Variants in SHB observed in about 807,000 individuals in gnomAD.
SHB encodes SH2 domain-containing adapter protein B.
SHB carries 20 observed loss-of-function variants against 52.3 expected under a neutral mutation model. The observed-to-expected ratio is 0.38, with a 90% CI of 0.27 to 0.56. SHB has a LOEUF of 0.56. Among genes scored for constraint, SHB ranks in the 20% least tolerant of loss-of-function variants. The probability of loss-of-function intolerance (pLI) is 0.71; values close to 1 mark genes in which losing one functional copy is unlikely to be tolerated. For synonymous variants in SHB, 397 were observed against 316.5 expected (o/e 1.25, Z -2.70); for missense variants, 825 against 723.3 (o/e 1.14, Z -1.61).
intron 1 of SHB, among the ~76,000 whole-genome samples, chr9:38,037,875 T>C (rs777135076): frequency 6.6e-6 from 1 of 152,106 alleles, no homozygotes; most frequent in Non-Finnish European, 1.5e-5. Context: ...GGCTCACAAA[T>C]AGGCATGACA....
intron 5 of SHB, among the ~76,000 whole-genome samples, chr9:37,934,745 G>A (rs534958580): frequency 1.8e-4 from 28 of 152,340 alleles, no homozygotes; most frequent in Middle Eastern, 6.8e-3. Flanking sequence ...ACTCATTCTG[G>A]CAGCTTTTTG....
chr9:37,936,819 G>A (rs1056731620), intron 5 of SHB: 1 of 152,170 alleles, frequency 6.6e-6, no homozygotes, highest in Non-Finnish European at 1.5e-5. Context: ...ACAAAACAGA[G>A]AGAGGCTCTG....
chr9:37,924,184 G>A lies in SHB; in HGVS notation c.1347-4180C>T, dbSNP rs180881818. ...AGGCCGGGGTGCTGGAGCTGTCACAGGCGTTCAGATCGCTCATTATCATCA... is the reference window on the plus strand; with the variant it reads ...AGGCCGGGGTGCTGGAGCTGTCACAAGCGTTCAGATCGCTCATTATCATCA... On this transcript the variant is annotated intron_variant, in intron 5 of 5. Transcript: ENST00000377707. Among the ~76,000 whole-genome samples, 163 of 152,348 alleles carry A rather than the reference G, an allele frequency of 1.1e-3. 1 individual carries two copies. Among genetic ancestry groups the A allele is most frequent in the African/African-American group, 3.8e-3 (157 of 41,570 alleles).
At chr9:38,058,796 T>G (rs920963420) in intron 1 of SHB, among the ~76,000 whole-genome samples, 1 of 152,180 alleles carries the variant, frequency 6.6e-6, no homozygotes, top group Non-Finnish European at 1.5e-5. Flanking sequence ...CTCAGGCTTC[T>G]GCACTGTTCT....
intron 1 of SHB, among the ~76,000 whole-genome samples, chr9:38,065,123 T>C (rs187524341): frequency 3.4e-4 from 51 of 152,156 alleles, no homozygotes; most frequent in Admixed American, 2.7e-3. Context: ...AAAGACTAAA[T>C]GAGGTGCCAG....
At chr9:37,977,504 T>G (rs1040402352) in intron 2 of SHB, among the ~76,000 whole-genome samples, 1 of 152,190 alleles carries the variant, frequency 6.6e-6, no homozygotes, top group Non-Finnish European at 1.5e-5. Flanking sequence ...TTTTATTGGG[T>G]CCCATGAGTA....
At chr9:37,980,040 C>T (rs1038826464) in intron 2 of SHB, among the ~76,000 whole-genome samples, 20 of 152,086 alleles carry the variant, frequency 1.3e-4, no homozygotes, top group African/African-American at 4.1e-4. Flanking sequence ...TGCCGGCTGC[C>T]GACTGATCAG....
chr9:38,051,858 G>T (rs901577650), intron 1 of SHB, among the ~76,000 whole-genome samples: 3 of 152,172 alleles, frequency 2.0e-5, no homozygotes, highest in African/African-American at 7.2e-5. Flanking sequence ...CTTTGACTGA[G>T]CCCAGCAAAC....
At chr9:37,938,085 G>A (rs1286363040) in intron 5 of SHB, among the ~76,000 whole-genome samples, 3 of 152,148 alleles carry the variant, frequency 2.0e-5, no homozygotes, top group Non-Finnish European at 4.4e-5. Context: ...CCTTTGTATC[G>A]CTTACCCAGC....
At chr9:37,951,248 A>T (rs1042159589) in intron 4 of SHB, among the ~76,000 whole-genome samples, 5 of 152,228 alleles carry the variant, frequency 3.3e-5, no homozygotes, top group African/African-American at 1.2e-4. Context: ...TTTCCAGGGG[A>T]GAAGGCAGGA....
chr9:37,974,924 A>C, intron 2 of SHB, 87 bp from the exon 3 acceptor site: 2 of 1,158,054 alleles, frequency 1.7e-6, no homozygotes, highest in Non-Finnish European at 2.6e-6. Flanking sequence ...ACAAACTCAG[A>C]GCTGCCAGCG....
chr9:37,974,707 G>A lies in SHB; in HGVS notation c.969C>T (p.Ser323=), dbSNP rs755704312. ...GCCTGTCGTCATCCTGGGGCAGCTT[G>A]CTCTCCCGCAGTCGGGGGCTGACTG... The part of the protein sequence containing the change: ...ESTVSPRLRE[S]KLPQDDDRPA... The change falls in exon 3 of 6, where the codon AGC becomes AGT. Residue 323 remains serine (S), a synonymous_variant. Transcript: ENST00000377707. 1 of 1,613,946 alleles carries A rather than the reference G, an allele frequency of 6.2e-7. No homozygotes were observed. Among genetic ancestry groups the A allele is most frequent in the Non-Finnish European group, 8.5e-7 (1 of 1,180,012 alleles).
At chr9:38,030,274 C>G (rs1215553581) in intron 1 of SHB, among the ~76,000 whole-genome samples, 1 of 152,202 alleles carries the variant, frequency 6.6e-6, no homozygotes, top group African/African-American at 2.4e-5. Flanking sequence ...AACTTCCCCC[C>G]TCAGAGATGT....
chr9:38,053,279 C>T (rs755879268), intron 1 of SHB, among the ~76,000 whole-genome samples: 15 of 152,020 alleles, frequency 9.9e-5, no homozygotes, highest in Non-Finnish European at 1.9e-4. Context: ...TCTCTGTTAC[C>T]GAGGCTGGAG....
chr9:37,955,579 T>C (rs560320112), intron 4 of SHB, among the ~76,000 whole-genome samples: 29 of 152,244 alleles, frequency 1.9e-4, no homozygotes, highest in Admixed American at 1.3e-3. Context: ...CTGGCCTCAA[T>C]TCAGTCTCCT....
intron 1 of SHB, among the ~76,000 whole-genome samples, chr9:38,053,022 G>A (rs1304828507): frequency 6.6e-6 from 1 of 152,070 alleles, no homozygotes; most frequent in African/African-American, 2.4e-5. Context: ...ACACTTTATC[G>A]ACAGTAGAGA....
At chr9:38,003,037 G>C (rs944356665) in intron 2 of SHB, among the ~76,000 whole-genome samples, 3 of 152,208 alleles carry the variant, frequency 2.0e-5, no homozygotes, top group African/African-American at 7.2e-5. Flanking sequence ...GGGTAAACAG[G>C]CTGGGCTATT....
At chr9:38,058,613 GC>G (rs1334613646) in intron 1 of SHB, among the ~76,000 whole-genome samples, 1 of 152,144 alleles carries the variant, frequency 6.6e-6, no homozygotes, top group Non-Finnish European at 1.5e-5. Context: ...ACCCTCTGCT[GC>G]CCCCATCTCA....
At chr9:38,017,284 T>C (rs1821224867) in intron 1 of SHB, among the ~76,000 whole-genome samples, 1 of 152,212 alleles carries the variant, frequency 6.6e-6, no homozygotes, top group South Asian at 2.1e-4. Context: ...GGGGGCAGGT[T>C]AGCGTTCCTC....
Sources: gnomAD v4.1 joint callset for allele counts (sites outside exome capture counted in the v4.1 genomes callset) on GRCh38, gnomAD v4.1.1 for gene constraint, MANE v1.5 for transcripts, NCBI Gene and HGNC (gene_info 2026-07-23, HGNC 2026-07-21) for gene names.